TMEM161B: variants seen among roughly 807,000 people sequenced by gnomAD.
The protein encoded by TMEM161B is transmembrane protein 161B.
Under a neutral mutation model 61.8 loss-of-function variants are expected in TMEM161B, and 34 were observed. The ratio of observed to expected loss-of-function variants is 0.55; its 90% confidence interval spans 0.42 to 0.73. The LOEUF is 0.73. TMEM161B is among the 30% of genes least tolerant of loss of function. The pLI, the probability that TMEM161B is intolerant of heterozygous loss-of-function variation, is 0.00. For synonymous variants in TMEM161B, 167 were observed against 192.8 expected (o/e 0.87, Z 1.11); for missense variants, 456 against 558.5 (o/e 0.82, Z 1.85).
chr5:88,208,254 C>T (rs992244724), intron 5 of TMEM161B, among the ~76,000 whole-genome samples: 13 of 151,864 alleles, frequency 8.6e-5, no homozygotes, highest in African/African-American at 3.1e-4. Flanking sequence ...GAGGCCGAGG[C>T]GGCTGGATCA....
downstream of TMEM161B, among the ~76,000 whole-genome samples, chr5:88,191,781 C>T (rs541592264): frequency 2.0e-5 from 3 of 150,904 alleles, no homozygotes; most frequent in Non-Finnish European, 4.4e-5. Context: ...CACTGTGAAA[C>T]CCCGTCTCTA....
At chr5:88,255,926 G>T (rs1049717763) in intron 1 of TMEM161B, among the ~76,000 whole-genome samples, 1 of 152,102 alleles carries the variant, frequency 6.6e-6, no homozygotes, top group Non-Finnish European at 1.5e-5. Context: ...TGAATTTGAT[G>T]TAACTATCTT....
At chr5:88,191,896 GC>G (rs1459899814), downstream of TMEM161B, among the ~76,000 whole-genome samples, 1 of 139,060 alleles carries the variant, frequency 7.2e-6, no homozygotes, top group Non-Finnish European at 1.5e-5. Context: ...GGCGGAGCTT[GC>G]AGTGAGCCGA....
chr5:88,210,407 TA>T (rs2112450817), intron 5 of TMEM161B, among the ~76,000 whole-genome samples: 1 of 152,314 alleles, frequency 6.6e-6, no homozygotes, highest in East Asian at 1.9e-4. Context: ...GGTACAAGAT[TA>T]AGAAGTATAC....
chr5:88,197,931 T>C lies in TMEM161B; in HGVS notation c.1090-166A>G, dbSNP rs376404932. On this transcript the variant is annotated intron_variant, in intron 10 of 11. Coordinates refer to ENST00000296595, the MANE Select transcript of TMEM161B (RefSeq NM_153354.5). ...CATGATACATGTCCCCAAAATGACT[T>C]TGGAAAGGCTCAATTTGAAGACAAG... 4 of 465,266 alleles carry C rather than the reference T, an allele frequency of 8.6e-6. No homozygotes were observed. In the East Asian group the frequency reaches 1.0e-4, roughly 12 times the overall value. The allele number at this position is 465,266 out of a possible 1,614,324, so 28.8% of individuals were successfully genotyped here. A position where few individuals can be genotyped will look rare whatever the true frequency, so the allele number is the denominator to read the frequency against.
chr5:88,190,941 T>C (rs931805328), downstream of TMEM161B, among the ~76,000 whole-genome samples: 2 of 152,236 alleles, frequency 1.3e-5, no homozygotes, highest in African/African-American at 4.8e-5. Flanking sequence ...ACTTTCATGA[T>C]ACTGCTAAAA....
At chr5:88,239,823 A>C (rs996794670) in intron 2 of TMEM161B, among the ~76,000 whole-genome samples, 2 of 152,072 alleles carry the variant, frequency 1.3e-5, no homozygotes, top group African/African-American at 2.4e-5. Flanking sequence ...CCCTGAATGA[A>C]AAGCGTATTT....
chr5:88,200,498 C>G (rs984929870), intron 9 of TMEM161B: 8 of 152,196 alleles, frequency 5.3e-5, no homozygotes, highest in African/African-American at 1.9e-4. Context: ...ACAGCTATTT[C>G]ACAGCCTTTG....
Position 88,247,888 on chromosome 5 carries a change from C to T in TMEM161B, c.4-6972G>A, listed in dbSNP as rs12653793. 1.3e-3 allele frequency among the ~76,000 whole-genome samples: 203 copies of T among 152,160 alleles called. 2 individuals are homozygous for T. In the East Asian group the frequency reaches 0.038, roughly 29 times the overall value. ...AACAACAAACTACATGTGTGGGGCA[C>T]TGGACCACTAACAATGGGGGAAAAG... On this transcript the variant is annotated intron_variant, in intron 1 of 11. Coordinates refer to ENST00000296595, the MANE Select transcript of TMEM161B (RefSeq NM_153354.5).
chr5:88,229,472 C>G (rs1030177180), intron 2 of TMEM161B, among the ~76,000 whole-genome samples: 4 of 131,662 alleles, frequency 3.0e-5, no homozygotes, highest in African/African-American at 1.2e-4. Context: ...TCCATCTGAG[C>G]TTACCTCTAG....
In TMEM161B at chr5:88,232,279, G is replaced by A. The variant is rs768958104; in HGVS notation, c.108-3751C>T. Among the ~76,000 whole-genome samples, 136 of 152,218 alleles carry A rather than the reference G, an allele frequency of 8.9e-4. 1 individual carries two copies. The highest frequency in any genetic ancestry group is 1.1e-3 in the Non-Finnish European group (76 of 68,028). ...TGGACCACTCAAATTTTTCGTCCCTGTCTATGTCCATGAATGACCATAAAA... is the reference window on the plus strand; with the variant it reads ...TGGACCACTCAAATTTTTCGTCCCTATCTATGTCCATGAATGACCATAAAA... On this transcript the variant is annotated intron_variant, in intron 2 of 11. Transcript: ENST00000296595.
downstream of TMEM161B, chr5:88,190,344 T>C: frequency 1.5e-6 from 1 of 680,376 alleles, no homozygotes. Flanking sequence ...CTAACAACTT[T>C]CCAAGTGACT....
chr5:88,268,154 C>G (rs976353408), intron 1 of TMEM161B, among the ~76,000 whole-genome samples: 1 of 152,194 alleles, frequency 6.6e-6, no homozygotes, highest in Non-Finnish European at 1.5e-5. Context: ...CTCCACACCC[C>G]TGCAATATTC....
At chr5:88,186,848 A>G (rs960122333), downstream of TMEM161B, among the ~76,000 whole-genome samples, 13 of 152,082 alleles carry the variant, frequency 8.5e-5, no homozygotes, top group Non-Finnish European at 1.8e-4. Context: ...GGTTGCAGTG[A>G]GCTGAGATTG....
At chr5:88,201,390 C>G (rs572897491) in intron 9 of TMEM161B, 1 of 152,024 alleles carries the variant, frequency 6.6e-6, no homozygotes, top group African/African-American at 2.4e-5. Context: ...TTTATGTACA[C>G]GCGATCTGGC....
chr5:88,211,548 T>C (rs1255103227), intron 5 of TMEM161B, among the ~76,000 whole-genome samples: 1 of 151,478 alleles, frequency 6.6e-6, no homozygotes, highest in Non-Finnish European at 1.5e-5. Context: ...TCACCTGAGG[T>C]CAGGAGTTTG....
intron 1 of TMEM161B, among the ~76,000 whole-genome samples, chr5:88,267,221 T>C (rs1756502777): frequency 6.6e-6 from 1 of 152,130 alleles, no homozygotes; most frequent in African/African-American, 2.4e-5. Flanking sequence ...TCTGTAAAAA[T>C]GGGGATGGAA....
At chr5:88,243,864 CAT>C (rs1405851077) in intron 1 of TMEM161B, among the ~76,000 whole-genome samples, 4 of 151,816 alleles carry the variant, frequency 2.6e-5, no homozygotes, top group Non-Finnish European at 5.9e-5. Flanking sequence ...AGCATTTTTT[CAT>C]ATGTTTGTTG....
chr5:88,196,613 T>TA, intron 11 of TMEM161B, 125 bp from the exon 12 acceptor site: 1 of 1,007,724 alleles, frequency 9.9e-7, no homozygotes, highest in East Asian at 2.8e-5. Flanking sequence ...CATTTTATGT[T>TA]AAAAATAAAG....
Sources: allele counts gnomAD v4.1 joint callset (sites outside exome capture counted in the v4.1 genomes callset), GRCh38; gene constraint gnomAD v4.1.1; transcripts MANE v1.5; gene names NCBI Gene and HGNC (gene_info 2026-07-23, HGNC 2026-07-21).